Variants in TECRL observed in about 807,000 individuals in gnomAD.
The protein encoded by TECRL is trans-2,3-enoyl-CoA reductase-like.
A neutral mutation model predicts 52.8 loss-of-function variants in TECRL; 63 were observed. The observed-to-expected ratio is 1.19, with a 90% CI of 0.97 to 1.47. The LOEUF (loss-of-function observed/expected upper bound fraction) is 1.47, where lower values mean the gene tolerates loss of function less well. TECRL is among the 40% of genes most tolerant of loss of function. TECRL has a pLI of 0.00. For missense variants in TECRL, 482 were observed against 429.6 expected, an observed-to-expected ratio of 1.12 and a Z score of -1.08; for synonymous variants, 164 against 141.9, an observed-to-expected ratio of 1.16 and a Z score of -1.10.
At chr4:64,390,736 C>T (rs1287019975) in intron 1 of TECRL, among the ~76,000 whole-genome samples, 1 of 151,640 alleles carries the variant, frequency 6.6e-6, no homozygotes, top group Non-Finnish European at 1.5e-5. Flanking sequence ...CGTAAAGAAA[C>T]CTCACATCCT....
At chr4:64,293,831 A>C (rs1723528056) in intron 8 of TECRL, among the ~76,000 whole-genome samples, 1 of 151,946 alleles carries the variant, frequency 6.6e-6, no homozygotes. Flanking sequence ...CCACAATAAA[A>C]ATAATTAATC....
intron 2 of TECRL, among the ~76,000 whole-genome samples, chr4:64,348,634 C>T (rs980701043): frequency 2.0e-5 from 3 of 152,184 alleles, no homozygotes; most frequent in African/African-American, 4.8e-5. Flanking sequence ...TCAAAGTGGT[C>T]TGTACCCCAC....
At chr4:64,400,123 C>T (rs11131535) in intron 1 of TECRL, among the ~76,000 whole-genome samples, 97,407 of 152,046 alleles carry the variant, frequency 0.64, 32,492 homozygotes, top group Non-Finnish European at 0.74. Context: ...TATCCAAGAC[C>T]TTGGGAGCTC....
At chr4:64,403,475 G>GCGCACA (rs59253067) in intron 1 of TECRL, among the ~76,000 whole-genome samples, 2,419 of 147,908 alleles carry the variant, frequency 0.016, 36 homozygotes, top group Non-Finnish European at 0.022. Flanking sequence ...CTCCCTGAGC[G>GCGCACA]CACACACACA....
At chr4:64,351,246 T>C (rs1443924357) in intron 2 of TECRL, among the ~76,000 whole-genome samples, 1 of 149,366 alleles carries the variant, frequency 6.7e-6, no homozygotes, top group Non-Finnish European at 1.5e-5. Context: ...AGAGTGACTG[T>C]AGTCAAAAAC....
In TECRL at chr4:64,314,731, T is replaced by A; in HGVS notation, c.468A>T (p.Leu156=). The A allele has an allele frequency of 2.5e-6, 4 of 1,613,648 alleles. No individual in the cohort carries two copies. The highest frequency in any genetic ancestry group is 3.4e-6 in the Non-Finnish European group (4 of 1,179,760). Residue 156 remains leucine (L), a synonymous_variant, in exon 5 of 12, where the codon CTA becomes CTT. Coordinates refer to ENST00000381210, the MANE Select transcript of TECRL (RefSeq NM_001010874.5). ...TCCTCAAATAAAAGAGGAGGTATAT[T>A]AGCAGAGGTCCTGTGTATTCAGCCA... ...VFLAEYTGPL[L]IYLLFYLRIP...
chr4:64,377,924 A>C (rs1322572866), intron 1 of TECRL, among the ~76,000 whole-genome samples: 1 of 152,124 alleles, frequency 6.6e-6, no homozygotes, highest in East Asian at 1.9e-4. Context: ...TACAGCAATA[A>C]AAATTAAAGT....
intron 6 of TECRL, among the ~76,000 whole-genome samples, chr4:64,307,854 A>ATCTG (rs1426247434): frequency 1.3e-5 from 2 of 152,210 alleles, no homozygotes; most frequent in African/African-American, 4.8e-5. Flanking sequence ...ATAATACCAG[A>ATCTG]GACAAGGGAA....
At chr4:64,284,800 T>C (rs564453463) in intron 9 of TECRL, among the ~76,000 whole-genome samples, 1 of 152,086 alleles carries the variant, frequency 6.6e-6, no homozygotes, top group Non-Finnish European at 1.5e-5. Flanking sequence ...TATAGATGAA[T>C]AGTTAAGAGA....
At chr4:64,361,799 G>C (rs768295533) in intron 2 of TECRL, among the ~76,000 whole-genome samples, 4 of 152,046 alleles carry the variant, frequency 2.6e-5, no homozygotes, top group Non-Finnish European at 5.9e-5. Context: ...AACTTTAAAA[G>C]CCAGAGTAAC....
intron 1 of TECRL, among the ~76,000 whole-genome samples, chr4:64,379,986 T>C (rs1480373094): frequency 6.6e-6 from 1 of 151,988 alleles, no homozygotes; most frequent in Non-Finnish European, 1.5e-5. Flanking sequence ...TTGTTTTCCA[T>C]AATGTCTGTA....
At chr4:64,276,999 A>T, downstream of TECRL, 2 of 1,461,150 alleles carry the variant, frequency 1.4e-6, no homozygotes, top group South Asian at 2.5e-5. Flanking sequence ...TGACAACAAG[A>T]TGGTGTAAAT....
Position 64,354,256 on chromosome 4 carries a change from GA to G in TECRL, c.286+20915del, listed in dbSNP as rs201532606. 2.1e-3 allele frequency among the ~76,000 whole-genome samples: 321 copies of G among 152,156 alleles called. 8 individuals are homozygous for G. In the East Asian group the frequency reaches 0.058, roughly 27 times the overall value. On this transcript the variant is annotated intron_variant, in intron 2 of 11. Coordinates refer to ENST00000381210, the MANE Select transcript of TECRL (RefSeq NM_001010874.5). ...TTGAAAGGTAGAATTTGAAGTTGTAGAAAAAACAAGATCAAAGGAGGAAATA... is the reference window on the plus strand; with the variant it reads ...TTGAAAGGTAGAATTTGAAGTTGTAGAAAAACAAGATCAAAGGAGGAAATA...
At chr4:64,361,353 T>C (rs1721181964) in intron 2 of TECRL, among the ~76,000 whole-genome samples, 1 of 152,128 alleles carries the variant, frequency 6.6e-6, no homozygotes. Context: ...TGTACACGTG[T>C]GTGTATATCT....
intron 1 of TECRL, among the ~76,000 whole-genome samples, chr4:64,399,417 C>T (rs1480034521): frequency 2.0e-5 from 3 of 152,170 alleles, no homozygotes; most frequent in Admixed American, 1.3e-4. Flanking sequence ...AGAAGTAATT[C>T]GAGCAGGCTA....
At chr4:64,347,001 A>T (rs1295537414) in intron 2 of TECRL, among the ~76,000 whole-genome samples, 1 of 152,170 alleles carries the variant, frequency 6.6e-6, no homozygotes, top group African/African-American at 2.4e-5. Context: ...TTCTACCCAG[A>T]ATTGTGTTAT....
intron 1 of TECRL, among the ~76,000 whole-genome samples, chr4:64,394,394 A>G (rs918547738): frequency 2.0e-5 from 3 of 152,162 alleles, no homozygotes; most frequent in African/African-American, 7.2e-5. Flanking sequence ...TTGAAAGCTT[A>G]ATCTTCGATA....
rs1405582941 is a variant in TECRL at position 64,278,278 on chromosome 4, T to C, written c.*1794A>G. 1 of 153,282 alleles carries C rather than the reference T, an allele frequency of 6.5e-6. No homozygotes were observed. Among genetic ancestry groups the C allele is most frequent in the African/African-American group, 2.4e-5 (1 of 41,442 alleles). The allele number at this position is 153,282 out of a possible 1,614,324, so 9.5% of individuals were successfully genotyped here. A position where few individuals can be genotyped will look rare whatever the true frequency, so the allele number is the denominator to read the frequency against. The stretch of plus-strand genomic sequence containing the variant: ...ATTAACAAATAAGTACACAACTAAA[T>C]AAAAATGTTACACTTTTAATATAGC... On this transcript the variant is annotated 3_prime_UTR_variant, in exon 12 of 12. Transcript: ENST00000381210.
intron 2 of TECRL, among the ~76,000 whole-genome samples, chr4:64,331,132 T>A (rs900596655): frequency 6.6e-6 from 1 of 152,102 alleles, no homozygotes; most frequent in Non-Finnish European, 1.5e-5. Context: ...CAGATACACA[T>A]ATTTAATTAA....
Sources: gnomAD v4.1 joint callset for allele counts (sites outside exome capture counted in the v4.1 genomes callset) on GRCh38, gnomAD v4.1.1 for gene constraint, MANE v1.5 for transcripts, NCBI Gene and HGNC (gene_info 2026-07-23, HGNC 2026-07-21) for gene names.